FHIP1A: variants seen among roughly 807,000 people sequenced by gnomAD.
FHIP1A encodes the protein FHF complex subunit HOOK-interacting protein 1A.
FHIP1A carries 61 observed loss-of-function variants against 88.6 expected under a neutral mutation model. That is an observed-to-expected ratio of 0.69 (90% CI 0.56 to 0.85). The LOEUF (loss-of-function observed/expected upper bound fraction) is 0.85, where lower values mean the gene tolerates loss of function less well. FHIP1A is among the 40% of genes least tolerant of loss of function. The pLI, the probability that FHIP1A is intolerant of heterozygous loss-of-function variation, is 0.00. For synonymous variants in FHIP1A, 478 were observed against 496.0 expected (o/e 0.96, Z 0.48); for missense variants, 1,154 against 1,273.5 (o/e 0.91, Z 1.43).
At chr4:151,566,941 C>T (rs142160934) in intron 4 of FHIP1A, among the ~76,000 whole-genome samples, 1 of 152,216 alleles carries the variant, frequency 6.6e-6, no homozygotes, top group Non-Finnish European at 1.5e-5. Context: ...GGCTTTGGTG[C>T]CTTGACTCCA....
At chr4:151,473,074 G>A (rs1308533925) in intron 2 of FHIP1A, among the ~76,000 whole-genome samples, 1 of 152,070 alleles carries the variant, frequency 6.6e-6, no homozygotes. Context: ...GAAATTTTAT[G>A]TCTCTGTTTT....
intron 5 of FHIP1A, among the ~76,000 whole-genome samples, chr4:151,580,937 A>C (rs1193069218): frequency 6.6e-6 from 1 of 152,154 alleles, no homozygotes; most frequent in Admixed American, 6.5e-5. Flanking sequence ...GGCTCACTGC[A>C]ACCTCCGCCT....
chr4:151,470,785 G>T (rs192244708), intron 2 of FHIP1A, among the ~76,000 whole-genome samples: 1 of 152,122 alleles, frequency 6.6e-6, no homozygotes, highest in African/African-American at 2.4e-5. Context: ...AGTCATTGAT[G>T]TCAGTATTAT....
At chr4:151,646,811 A>G in intron 10 of FHIP1A, 63 bp downstream of exon 10, 1 of 1,161,596 alleles carries the variant, frequency 8.6e-7, no homozygotes, top group South Asian at 1.4e-5. Context: ...GCCTTGGGAT[A>G]TGTGTCCCTT....
intron 3 of FHIP1A, among the ~76,000 whole-genome samples, chr4:151,500,113 A>G (rs1411972793): frequency 6.6e-6 from 1 of 152,212 alleles, no homozygotes; most frequent in Non-Finnish European, 1.5e-5. Flanking sequence ...TATGGATATT[A>G]TGGCCACTAT....
chr4:151,492,834 G>A (rs182541757), intron 3 of FHIP1A, among the ~76,000 whole-genome samples: 9 of 152,194 alleles, frequency 5.9e-5, no homozygotes, highest in Middle Eastern at 3.4e-3. Flanking sequence ...CAGCAAAAGC[G>A]ATGCTAAGAG....
At chr4:151,520,491 G>A (rs1337128374) in intron 3 of FHIP1A, among the ~76,000 whole-genome samples, 1 of 152,074 alleles carries the variant, frequency 6.6e-6, no homozygotes, top group Non-Finnish European at 1.5e-5. Flanking sequence ...GAATCACTTT[G>A]CCATTGTTGG....
chr4:151,487,766 C>T (rs978183133), intron 3 of FHIP1A, among the ~76,000 whole-genome samples: 7 of 152,236 alleles, frequency 4.6e-5, no homozygotes, highest in Non-Finnish European at 1.0e-4. Flanking sequence ...ATAAGGAAAC[C>T]GAACCACATA....
Position 151,425,564 on chromosome 4 carries a change from T to C in FHIP1A, c.-356+16099T>C, listed in dbSNP as rs554089849. Among the ~76,000 whole-genome samples the C allele has an allele frequency of 4.6e-5, 7 of 152,352 alleles. No homozygotes were observed. In the South Asian group the frequency reaches 1.2e-3, roughly 27 times the overall value. ...AAAAAGAGTTCTTATTTCTTAAAGA[T>C]TCACATAGACTTTTTTTAGATTATA... On this transcript the variant is annotated intron_variant, in intron 1 of 13. Transcript: ENST00000435205.
chr4:151,514,090 T>C (rs1368326367), intron 3 of FHIP1A, among the ~76,000 whole-genome samples: 2 of 152,126 alleles, frequency 1.3e-5, no homozygotes, highest in South Asian at 2.1e-4. Flanking sequence ...GATCAGACAT[T>C]GTAACAAACT....
chr4:151,642,278 CT>C (rs1701341547), intron 9 of FHIP1A, among the ~76,000 whole-genome samples: 1 of 152,202 alleles, frequency 6.6e-6, no homozygotes, highest in Non-Finnish European at 1.5e-5. Flanking sequence ...ACATTGAATA[CT>C]ATTTCTGAAT....
At chr4:151,569,302 C>A (rs1163301401) in intron 4 of FHIP1A, among the ~76,000 whole-genome samples, 1 of 152,098 alleles carries the variant, frequency 6.6e-6, no homozygotes, top group Non-Finnish European at 1.5e-5. Context: ...GCCTGTAATC[C>A]CAGCACTTTG....
intron 1 of FHIP1A, among the ~76,000 whole-genome samples, chr4:151,411,398 A>G (rs1346838272): frequency 7.2e-6 from 1 of 138,296 alleles, no homozygotes; most frequent in Non-Finnish European, 1.5e-5. Flanking sequence ...GGCCCAGGCT[A>G]GAGTTCAGTG....
intron 7 of FHIP1A, among the ~76,000 whole-genome samples, chr4:151,625,948 A>G (rs559449847): frequency 6.6e-6 from 1 of 152,324 alleles, no homozygotes; most frequent in Admixed American, 6.5e-5. Flanking sequence ...GGCGATGAGA[A>G]CTGGTGGGTG....
At chr4:151,488,898 C>T (rs183585844) in intron 3 of FHIP1A, among the ~76,000 whole-genome samples, 6 of 152,284 alleles carry the variant, frequency 3.9e-5, no homozygotes, top group Admixed American at 3.9e-4. Flanking sequence ...TGTAAAATAA[C>T]TCGAGCTGGT....
At chr4:151,564,129 T>G (rs1021712104) in intron 3 of FHIP1A, among the ~76,000 whole-genome samples, 2 of 152,216 alleles carry the variant, frequency 1.3e-5, no homozygotes, top group African/African-American at 4.8e-5. Context: ...AAAACTAACT[T>G]GAAGGATCTT....
rs1580585558 is a variant in FHIP1A, at chr4:151,454,708, A to G, written c.-348A>G. ...TTTTTTTTTTTTTTCCAGGTGATAC[A>G]CTTGGGTGTTGAAGGACATTTTTGA... On this transcript the variant is annotated 5_prime_UTR_variant, in exon 2 of 14. Transcript: ENST00000435205. 6.6e-6 allele frequency: 1 copy of G among 151,270 alleles called. No individual in the cohort carries two copies. The highest frequency in any genetic ancestry group is 1.9e-4 in the East Asian group (1 of 5,168). The allele number at this position is 151,270 out of a possible 1,614,324, so 9.4% of individuals were successfully genotyped here.
intron 3 of FHIP1A, among the ~76,000 whole-genome samples, chr4:151,496,693 C>G (rs1730473591): frequency 6.8e-6 from 1 of 147,438 alleles, no homozygotes; most frequent in African/African-American, 2.5e-5. Context: ...GCTGGGACCA[C>G]AGGAGCATAC....
At chr4:151,538,124 A>C (rs1462014911) in intron 3 of FHIP1A, among the ~76,000 whole-genome samples, 1 of 152,160 alleles carries the variant, frequency 6.6e-6, no homozygotes, top group Non-Finnish European at 1.5e-5. Flanking sequence ...CCCTTAGACC[A>C]TAGTAGTAGT....
Sources: gnomAD v4.1 joint callset for allele counts (sites outside exome capture counted in the v4.1 genomes callset) on GRCh38, gnomAD v4.1.1 for gene constraint, MANE v1.5 for transcripts, NCBI Gene and HGNC (gene_info 2026-07-23, HGNC 2026-07-21) for gene names.